The following ADCY1 variants were observed in gnomAD, a reference collection of about 807,000 sequenced individuals.
ADCY1 encodes the protein adenylate cyclase type 1.
Under a neutral mutation model 105.4 loss-of-function variants are expected in ADCY1, and 28 were observed. That is an observed-to-expected ratio of 0.27 (90% CI 0.20 to 0.36). The LOEUF (loss-of-function observed/expected upper bound fraction) is 0.36. Ranked by LOEUF, ADCY1 falls within the 10% of genes least tolerant of loss-of-function variation. The pLI is 1.00. For synonymous variants in ADCY1, 655 were observed against 623.8 expected (o/e 1.05, Z -0.75); for missense variants, 977 against 1,434.2 (o/e 0.68, Z 5.15).
In ADCY1 at chr7:45,592,982, A is replaced by C; in HGVS notation, c.789+74A>C. 1.9e-6 allele frequency: 3 copies of C among 1,581,984 alleles called. No individual in the cohort carries two copies. In the East Asian group the frequency reaches 6.8e-5, roughly 36 times the overall value. On this transcript the variant is annotated intron_variant, in intron 2 of 19. Transcript: ENST00000297323. ...GGAGGTGGAAGAAGCTGGCTTCCTGAGCCTCAGTTTACCCCGTGGTGACAT... is the reference window on the plus strand; with the variant it reads ...GGAGGTGGAAGAAGCTGGCTTCCTGCGCCTCAGTTTACCCCGTGGTGACAT...
At chr7:45,672,300 T>TTGTC (rs1310159217) in intron 8 of ADCY1, among the ~76,000 whole-genome samples, 1 of 152,176 alleles carries the variant, frequency 6.6e-6, no homozygotes, top group Admixed American at 6.5e-5. Context: ...ATTTATCTAT[T>TTGTC]TGTCTGTCTG....
intron 2 of ADCY1, among the ~76,000 whole-genome samples, chr7:45,607,960 A>G (rs1793427108): frequency 6.6e-6 from 1 of 152,244 alleles, no homozygotes; most frequent in Non-Finnish European, 1.5e-5. Flanking sequence ...TGTACCCAGT[A>G]ATGGGATTGC....
Position 45,705,437 on chromosome 7 carries a change from AATTTC to A in ADCY1, c.2817+824_2817+828del, listed in dbSNP as rs566093569. Among the ~76,000 whole-genome samples, 176 of 152,334 alleles carry A rather than the reference AATTTC, an allele frequency of 1.2e-3. 2 individuals are homozygous for A. Among genetic ancestry groups the A allele is most frequent in the African/African-American group, 4.1e-3 (172 of 41,586 alleles). ...TTAGTATTCCAAAATTAATTCATGA[AATTTC>A]ATCAAATCAACAGGATAAAGAAGAA... On this transcript the variant is annotated intron_variant, in intron 17 of 19. Coordinates refer to ENST00000297323, the MANE Select transcript of ADCY1 (RefSeq NM_021116.4).
chr7:45,694,967 A>G (rs536849965), intron 14 of ADCY1, among the ~76,000 whole-genome samples: 3 of 152,312 alleles, frequency 2.0e-5, no homozygotes, highest in Admixed American at 2.0e-4. Context: ...TCAACTAGAG[A>G]CTTGAAGAGA....
At position 45,575,735 on chromosome 7, in the gene ADCY1, C is replaced by T. The variant is rs1187038299; in HGVS notation, c.639+553C>T. Reference sequence around the variant, plus strand: ...GCTGGCCACCCTTCTGTGGACATGCCTCCGGCCCAGAAAGAGTGGGGTTTG... The same window carrying T: ...GCTGGCCACCCTTCTGTGGACATGCTTCCGGCCCAGAAAGAGTGGGGTTTG... On this transcript the variant is annotated intron_variant, in intron 1 of 19. Coordinates refer to ENST00000297323, the MANE Select transcript of ADCY1 (RefSeq NM_021116.4). The surrounding 1 kb of genome is among the most constrained non-coding windows in gnomAD (Gnocchi z 4.7). Among the ~76,000 whole-genome samples the T allele has an allele frequency of 6.6e-6, 1 of 152,272 alleles. No homozygotes were observed. The highest frequency in any genetic ancestry group is 2.4e-5 in the African/African-American group (1 of 41,474).
intron 3 of ADCY1, among the ~76,000 whole-genome samples, chr7:45,616,779 A>G (rs943496862): frequency 6.6e-6 from 1 of 152,186 alleles, no homozygotes; most frequent in African/African-American, 2.4e-5. Flanking sequence ...CACCCTCACC[A>G]CTTCTGTTCA....
chr7:45,624,402 C>T (rs34074322), intron 4 of ADCY1, among the ~76,000 whole-genome samples: 4 of 152,100 alleles, frequency 2.6e-5, no homozygotes, highest in Admixed American at 1.3e-4. Flanking sequence ...TTTGGAAGAT[C>T]CCTGTGGGGA....
chr7:45,622,768 C>A, intron 4 of ADCY1, 25 bp downstream of exon 4: 2 of 1,579,310 alleles, frequency 1.3e-6, no homozygotes, highest in Non-Finnish European at 1.7e-6. Context: ...TTTCTTTGTT[C>A]GAATTAAATT....
rs1784672614 is a variant in ADCY1, at chr7:45,686,301, T to G, written c.2327+86T>G. ...CAGATATGCACTACAGGCTTCTGAG[T>G]CCAGAACTAGTCAAGTTGAATTGTA... is the stretch of plus-strand genomic sequence containing the variant. On this transcript the variant is annotated intron_variant, in intron 13 of 19. Transcript: ENST00000297323. This position sits in a 1 kb window ranked among gnomAD's most constrained non-coding sequence, Gnocchi z 4.3. 6.6e-7 allele frequency: 1 copy of G among 1,521,610 alleles called. No homozygotes were observed. The highest frequency in any genetic ancestry group is 1.4e-5 in the African/African-American group (1 of 72,158). 94.3% of individuals were successfully genotyped at this position (1,521,610 alleles called of 1,614,324 possible).
At position 45,713,918 on chromosome 7, in the gene ADCY1, G is replaced by A. The variant is rs763670732; in HGVS notation, c.3283G>A (p.Val1095Ile). 1.7e-5 allele frequency: 13 copies of A among 780,460 alleles called. No homozygotes were observed. The highest frequency in any genetic ancestry group is 3.4e-5 in the Admixed American group (2 of 59,030). The allele number at this position is 780,460 out of a possible 1,614,324, so 48.3% of individuals were successfully genotyped here. The change falls in exon 20 of 20, where the codon GTC becomes ATC. Residue 1095 changes from valine (V) to isoleucine (I), a missense_variant. Physicochemically the swap from Val to Ile is conservative, Grantham distance 29. Transcript: ENST00000297323. ...TCCCCCCGTGTGCCCCATGCCTGGC[G>A]TCTCAGTCAGGGCTGGGCTCCCTCC... ...RRPPVCPMPG[V>I]SVRAGLPPHS...
intron 8 of ADCY1, among the ~76,000 whole-genome samples, chr7:45,667,721 A>G (rs1051215828): frequency 5.3e-5 from 8 of 152,332 alleles, no homozygotes; most frequent in Middle Eastern, 3.4e-3. Context: ...TACCTTGGGC[A>G]GTATGGCCAT....
In ADCY1 at chr7:45,679,923, CT is replaced by C. The variant is rs3215301; in HGVS notation, c.1983+132del. ...CCTGTGTCCTATACCTGCATATCACCTTGTTCAGGTATGTGGGTGGCCTGTG... is the reference window on the plus strand; with the variant it reads ...CCTGTGTCCTATACCTGCATATCACCTGTTCAGGTATGTGGGTGGCCTGTG... On this transcript the variant is annotated intron_variant, in intron 11 of 19. Coordinates refer to ENST00000297323, the MANE Select transcript of ADCY1 (RefSeq NM_021116.4). 8,480 of 1,035,202 alleles carry C rather than the reference CT, an allele frequency of 8.2e-3. 338 individuals are homozygous for C. The East Asian group carries it at 0.13, about 16-fold the overall frequency. 64.1% of individuals were successfully genotyped at this position (1,035,202 alleles called of 1,614,324 possible).
chr7:45,691,377 C>G lies in ADCY1; in HGVS notation c.2454+4704C>G, dbSNP rs75777245. On this transcript the variant is annotated intron_variant, in intron 14 of 19. Transcript: ENST00000297323. ...GCCACCTGCTTTCCCGTAACCCTAG[C>G]AAAACACAGAACTTTGTAGACTTTG... 6.5e-3 allele frequency among the ~76,000 whole-genome samples: 993 copies of G among 152,356 alleles called. 5 individuals carry two copies. Among genetic ancestry groups the G allele is most frequent in the African/African-American group, 0.023 (944 of 41,574 alleles).
At chr7:45,649,856 AC>A (rs1457316000) in intron 5 of ADCY1, among the ~76,000 whole-genome samples, 1 of 152,192 alleles carries the variant, frequency 6.6e-6, no homozygotes, top group Non-Finnish European at 1.5e-5. Flanking sequence ...TGGTAGCTCC[AC>A]CTCAAGAGCC....
intron 11 of ADCY1, among the ~76,000 whole-genome samples, chr7:45,683,024 C>G (rs1302899676): frequency 1.3e-5 from 2 of 152,126 alleles, no homozygotes; most frequent in Non-Finnish European, 2.9e-5. Context: ...TTGACATCAT[C>G]TCCCGAAGTG....
chr7:45,682,155 C>T (rs1784570847), intron 11 of ADCY1, among the ~76,000 whole-genome samples: 2 of 152,170 alleles, frequency 1.3e-5, no homozygotes, highest in African/African-American at 4.8e-5. Context: ...GAGCCTGGCA[C>T]AGCACACGCT....
In ADCY1 at chr7:45,591,831, G is replaced by C. The variant is rs1167552853; in HGVS notation, c.640-928G>C. ...TGGGTCAGGCTGGCCCCAGGTGCCT[G>C]ATGCCTGGGTCTGAGCCTGGTTCTG... is the stretch of plus-strand genomic sequence containing the variant. On this transcript the variant is annotated intron_variant, in intron 1 of 19. Transcript: ENST00000297323. This position sits in a 1 kb window ranked among gnomAD's most constrained non-coding sequence, Gnocchi z 4.1. Among the ~76,000 whole-genome samples, 2 of 152,212 alleles carry C rather than the reference G, an allele frequency of 1.3e-5. No homozygotes were observed.
chr7:45,624,420 G>A (rs1214216710), intron 4 of ADCY1, among the ~76,000 whole-genome samples: 1 of 152,102 alleles, frequency 6.6e-6, no homozygotes, highest in Non-Finnish European at 1.5e-5. Context: ...GGAAGAAAAG[G>A]TCTTGAGATC....
intron 14 of ADCY1, among the ~76,000 whole-genome samples, chr7:45,687,198 CCAT>C (rs2116214162): frequency 6.8e-6 from 1 of 147,892 alleles, no homozygotes; most frequent in South Asian, 2.1e-4. Flanking sequence ...TTGGGAGACT[CCAT>C]GGAGTAGCAA....
Sources: gnomAD v4.1 joint callset for allele counts (sites outside exome capture counted in the v4.1 genomes callset) on GRCh38, gnomAD v4.1.1 for gene constraint, Gnocchi (gnomAD v3.1) non-coding constraint, MANE v1.5 for transcripts, NCBI Gene and HGNC (gene_info 2026-07-23, HGNC 2026-07-21) for gene names.